The following CNOT4 variants were observed in gnomAD, a reference collection of about 807,000 sequenced individuals.
The protein encoded by CNOT4 is CCR4-associated factor 4.
CNOT4 carries 8 observed loss-of-function variants against 73.8 expected under a neutral mutation model. That is an observed-to-expected ratio of 0.11 (90% CI 0.06 to 0.20). The LOEUF is 0.20. CNOT4 is among the 10% of genes least tolerant of loss of function. The pLI is 1.00. For synonymous variants in CNOT4, 293 were observed against 321.1 expected (o/e 0.91, Z 0.94); for missense variants, 564 against 883.4 (o/e 0.64, Z 4.58).
Position 135,482,986 on chromosome 7 carries a change from CAAAAAA to C in CNOT4, c.-93+26897_-93+26902del, listed in dbSNP as rs36125617. Among the ~76,000 whole-genome samples, 11 of 43,522 alleles carry C rather than the reference CAAAAAA, an allele frequency of 2.5e-4. No homozygotes were observed. In the South Asian group the frequency reaches 8.0e-3, roughly 32 times the overall value. 28.6% of individuals were successfully genotyped at this position (43,522 alleles called of 152,430 possible). A position where few individuals can be genotyped will look rare whatever the true frequency, so the allele number is the denominator to read the frequency against. ...GGGCAACTAGAGCGAGACTCCATAT[CAAAAAA>C]AAAAAAAAAAAAAAAAAGTAGATGA... On this transcript the variant is annotated intron_variant, in intron 1 of 11. Coordinates refer to ENST00000541284, the MANE Select transcript of CNOT4 (RefSeq NM_001190850.2).
rs543167495 is a variant in CNOT4, at chr7:135,460,570, C to T, written c.-92-22147G>A. Among the ~76,000 whole-genome samples the T allele has an allele frequency of 9.9e-5, 15 of 152,072 alleles. No individual in the cohort carries two copies. In the South Asian group the frequency reaches 2.7e-3, roughly 27 times the overall value. On this transcript the variant is annotated intron_variant, in intron 1 of 11. Transcript: ENST00000541284. ...CATCATTTTACGTAGGTGCAGTTCC[C>T]GGCATCTCAAAACAGCTATAATAGT...
chr7:135,405,777 G>C (rs1446368206), intron 7 of CNOT4, among the ~76,000 whole-genome samples: 2 of 152,084 alleles, frequency 1.3e-5, no homozygotes, highest in Admixed American at 1.3e-4. Flanking sequence ...CCATGTCAGG[G>C]TTCAGTGAGG....
At chr7:135,377,923 C>T (rs1414661435) in intron 10 of CNOT4, among the ~76,000 whole-genome samples, 3 of 152,158 alleles carry the variant, frequency 2.0e-5, no homozygotes, top group Non-Finnish European at 4.4e-5. Flanking sequence ...AATATTCTTA[C>T]TTCAGATATG....
At chr7:135,487,438 G>A (rs1195582755) in intron 1 of CNOT4, among the ~76,000 whole-genome samples, 2 of 151,562 alleles carry the variant, frequency 1.3e-5, no homozygotes, top group East Asian at 1.9e-4. Context: ...TGCAGTATCC[G>A]TATGTTTCCC....
At chr7:135,419,029 GAATT>G (rs1348731919) in intron 3 of CNOT4, among the ~76,000 whole-genome samples, 1 of 151,692 alleles carries the variant, frequency 6.6e-6, no homozygotes, top group Non-Finnish European at 1.5e-5. Context: ...AGGTATTCAA[GAATT>G]AATTTGCAGA....
intron 2 of CNOT4, among the ~76,000 whole-genome samples, chr7:135,422,682 T>C (rs1219181072): frequency 2.0e-5 from 3 of 152,176 alleles, no homozygotes; most frequent in Non-Finnish European, 4.4e-5. Context: ...TAAGGTGCTA[T>C]GTAAGAGGCA....
intron 7 of CNOT4, among the ~76,000 whole-genome samples, chr7:135,400,115 G>A (rs911326372): frequency 1.3e-5 from 2 of 151,992 alleles, no homozygotes; most frequent in Non-Finnish European, 2.9e-5. Context: ...GAGAAGAAAG[G>A]GGGAAAGGGG....
Position 135,388,109 on chromosome 7 carries a change from G to A in CNOT4, c.1627+5809C>T, listed in dbSNP as rs114052983. The A allele has an allele frequency of 9.4e-4, 921 of 984,256 alleles. 12 individuals carry two copies. The African/African-American group carries it at 0.015, about 16-fold the overall frequency. 61.0% of individuals were successfully genotyped at this position (984,256 alleles called of 1,614,324 possible). A position where few individuals can be genotyped will look rare whatever the true frequency, so the allele number is the denominator to read the frequency against. On this transcript the variant is annotated intron_variant, in intron 10 of 11. Transcript: ENST00000541284. ...GAGGCATTTCCTGGTATACTAGGCA[G>A]TGCATTAGAAAAGAGATTATATTGC...
At chr7:135,390,954 T>C (rs375082974) in intron 10 of CNOT4, among the ~76,000 whole-genome samples, 35 of 152,234 alleles carry the variant, frequency 2.3e-4, no homozygotes, top group Middle Eastern at 3.4e-3. Context: ...TCTCCATTAC[T>C]GAAGCATTTA....
intron 6 of CNOT4, 33 bp downstream of exon 6, chr7:135,413,455 C>T: frequency 6.2e-7 from 1 of 1,600,092 alleles, no homozygotes; most frequent in Non-Finnish European, 8.5e-7. Flanking sequence ...ACTCCCTTTT[C>T]TGCAAAGTTG....
chr7:135,487,726 A>G (rs1159279535), intron 1 of CNOT4, among the ~76,000 whole-genome samples: 1 of 152,170 alleles, frequency 6.6e-6, no homozygotes, highest in Non-Finnish European at 1.5e-5. Flanking sequence ...ATCAGAATTG[A>G]TATTAGATTG....
At position 135,422,270 on chromosome 7, in the gene CNOT4, T is replaced by C; in HGVS notation, c.258A>G (p.Gln86=). The change falls in exon 3 of 12, where the codon CAA becomes CAG. Residue 86 remains glutamine (Q), a synonymous_variant. Transcript: ENST00000541284. ...QRIKNEKKQK[Q]NERKQKISEN... ...CTGATATTTTCTGTTTTCTCTCATT[T>C]TGTTTCTGTTTTTTCTCATTCTTTA... is the stretch of plus-strand genomic sequence containing the variant. The C allele has an allele frequency of 6.3e-7, 1 of 1,591,804 alleles. No individual in the cohort carries two copies. The highest frequency in any genetic ancestry group is 8.6e-7 in the Non-Finnish European group (1 of 1,159,736).
At chr7:135,424,040 AAC>A (rs3138785) in intron 2 of CNOT4, among the ~76,000 whole-genome samples, 18,314 of 143,630 alleles carry the variant, frequency 0.13, 1,198 homozygotes, top group South Asian at 0.17. Context: ...AAACAAACAA[AAC>A]ACACACACAC....
rs1198174318 is a variant in CNOT4, at chr7:135,495,669, CAAAAAA to C, written c.-93+14214_-93+14219del. ...TAGGTAACAGAGTGAGACCCTGTGT[CAAAAAA>C]AAAAAAAAAAAAAAAAAAGAAAGAA... On this transcript the variant is annotated intron_variant, in intron 1 of 11. Transcript: ENST00000541284. Among the ~76,000 whole-genome samples, 60 of 31,856 alleles carry C rather than the reference CAAAAAA, an allele frequency of 1.9e-3. 1 individual carries two copies. Among genetic ancestry groups the C allele is most frequent in the East Asian group, 7.8e-3 (7 of 896 alleles). The allele number at this position is 31,856 out of a possible 152,430, so 20.9% of individuals were successfully genotyped here.
chr7:135,420,664 G>A (rs1798137824), intron 3 of CNOT4, among the ~76,000 whole-genome samples: 4 of 151,268 alleles, frequency 2.6e-5, no homozygotes, highest in Admixed American at 2.6e-4. Context: ...GGTTAGAGGA[G>A]TATATAGAAG....
At chr7:135,433,520 C>T (rs373170611) in intron 2 of CNOT4, among the ~76,000 whole-genome samples, 1 of 151,528 alleles carries the variant, frequency 6.6e-6, no homozygotes, top group East Asian at 1.9e-4. Context: ...CCACACTCAG[C>T]TAATTTTTCT....
intron 10 of CNOT4, among the ~76,000 whole-genome samples, chr7:135,382,583 G>GAA (rs11448872): frequency 0.22 from 32,778 of 147,120 alleles, 4,138 homozygotes; most frequent in East Asian, 0.52. Flanking sequence ...CTGACTAGGA[G>GAA]AAAAAAAAAA....
chr7:135,471,617 G>A (rs1801579060), intron 1 of CNOT4, among the ~76,000 whole-genome samples: 3 of 152,172 alleles, frequency 2.0e-5, no homozygotes, highest in Admixed American at 2.0e-4. Context: ...TCTATTTTAT[G>A]TATATATGTA....
At chr7:135,440,794 C>T (rs1041169023) in intron 1 of CNOT4, among the ~76,000 whole-genome samples, 1 of 151,992 alleles carries the variant, frequency 6.6e-6, no homozygotes, top group African/African-American at 2.4e-5. Flanking sequence ...TGGCACATGC[C>T]TGTATTCCCA....
Sources: allele counts gnomAD v4.1 joint callset (sites outside exome capture counted in the v4.1 genomes callset), GRCh38; gene constraint gnomAD v4.1.1; transcripts MANE v1.5; gene names NCBI Gene and HGNC (gene_info 2026-07-23, HGNC 2026-07-21).